GMDS: variants seen among roughly 807,000 people sequenced by gnomAD.
The protein encoded by GMDS is GDP-mannose 4,6 dehydratase.
A neutral mutation model predicts 49.9 loss-of-function variants in GMDS; 20 were observed. That is an observed-to-expected ratio of 0.40 (90% confidence interval 0.28 to 0.58). GMDS has a LOEUF of 0.58. Ranked by LOEUF, GMDS falls within the 20% of genes least tolerant of loss-of-function variation. The probability of loss-of-function intolerance (pLI) is 0.42; values close to 1 mark genes in which losing one functional copy is unlikely to be tolerated. For synonymous variants in GMDS, 177 were observed against 178.6 expected (o/e 0.99, Z 0.07); for missense variants, 362 against 481.4 (o/e 0.75, Z 2.32).
At chr6:2,004,596 C>G (rs1019704230) in intron 4 of GMDS, among the ~76,000 whole-genome samples, 4 of 152,136 alleles carry the variant, frequency 2.6e-5, no homozygotes, top group East Asian at 1.9e-4. Flanking sequence ...AAAGACACAT[C>G]CCCTGGGCTT....
In GMDS at chr6:2,013,839, G is replaced by A. The variant is rs199887069; in HGVS notation, c.346-52873C>T. On this transcript the variant is annotated intron_variant, in intron 4 of 10. Coordinates refer to ENST00000380815, the MANE Select transcript of GMDS (RefSeq NM_001500.4). ...GCCAGAAAAAGAGCAAAGAAAGGAA[G>A]AAATGGCTGAGAATTTCCCAAATCT... Among the ~76,000 whole-genome samples the A allele has an allele frequency of 1.2e-3, 3 of 2,448 alleles. No homozygotes were observed. The Non-Finnish European group carries it at 0.015, about 12-fold the overall frequency. The allele number at this position is 2,448 out of a possible 152,430, so 1.6% of individuals were successfully genotyped here.
intron 6 of GMDS, among the ~76,000 whole-genome samples, chr6:1,951,426 T>C (rs1763336865): frequency 6.6e-6 from 1 of 152,234 alleles, no homozygotes; most frequent in Admixed American, 6.5e-5. Flanking sequence ...TAAAGGAATG[T>C]CCTATCTCAT....
At chr6:1,960,204 C>T (rs1353954384) in intron 5 of GMDS, among the ~76,000 whole-genome samples, 1 of 152,118 alleles carries the variant, frequency 6.6e-6, no homozygotes, top group Non-Finnish European at 1.5e-5. Context: ...ATTTGACAAT[C>T]GAATTGATTG....
intron 4 of GMDS, among the ~76,000 whole-genome samples, chr6:2,102,281 TG>T (rs2127486960): frequency 6.6e-6 from 1 of 152,144 alleles, no homozygotes; most frequent in African/African-American, 2.4e-5. Flanking sequence ...ATAAGCAAAT[TG>T]AAAAAAATGT....
chr6:2,239,051 G>T (rs1052107637), intron 1 of GMDS, among the ~76,000 whole-genome samples: 1 of 151,986 alleles, frequency 6.6e-6, no homozygotes, highest in Non-Finnish European at 1.5e-5. Flanking sequence ...TATCCTGGCC[G>T]GGCACGGTGG....
chr6:2,135,315 C>A (rs1739454062), intron 1 of GMDS, among the ~76,000 whole-genome samples: 1 of 152,020 alleles, frequency 6.6e-6, no homozygotes, highest in African/African-American at 2.4e-5. Flanking sequence ...GTATACTAAA[C>A]AACGTGCTAC....
chr6:2,157,586 C>G (rs1777171116), intron 1 of GMDS, among the ~76,000 whole-genome samples: 1 of 152,198 alleles, frequency 6.6e-6, no homozygotes. Context: ...CAGTGCTCAT[C>G]TTGTCTTGTG....
intron 9 of GMDS, among the ~76,000 whole-genome samples, chr6:1,629,947 T>C (rs1391634390): frequency 1.3e-5 from 2 of 152,190 alleles, no homozygotes; most frequent in South Asian, 2.1e-4. Context: ...GAGAACGTGG[T>C]CTTCATTATA....
At chr6:1,849,077 G>A (rs1757542093) in intron 7 of GMDS, among the ~76,000 whole-genome samples, 2 of 152,108 alleles carry the variant, frequency 1.3e-5, no homozygotes, top group Non-Finnish European at 1.5e-5. Flanking sequence ...TCCCCTGGGG[G>A]ACAAAATTGC....
chr6:1,666,831 T>C (rs1263224871), intron 9 of GMDS, among the ~76,000 whole-genome samples: 3 of 152,204 alleles, frequency 2.0e-5, no homozygotes, highest in Non-Finnish European at 2.9e-5. Context: ...AACTTCTTCA[T>C]CTCCTCTCTT....
chr6:1,647,779 G>C (rs62390645), intron 9 of GMDS, among the ~76,000 whole-genome samples: 18,654 of 152,208 alleles, frequency 0.12, 1,526 homozygotes, highest in Non-Finnish European at 0.18. Flanking sequence ...TTCTCAGGCC[G>C]GAGTGGGGGA....
chr6:1,813,366 A>C (rs1190402101), intron 7 of GMDS, among the ~76,000 whole-genome samples: 7 of 152,066 alleles, frequency 4.6e-5, no homozygotes, highest in Admixed American at 4.6e-4. Flanking sequence ...CGTTCGTTAG[A>C]TGAAGGTTCA....
At chr6:1,963,942 G>A (rs1764114193) in intron 4 of GMDS, among the ~76,000 whole-genome samples, 1 of 152,166 alleles carries the variant, frequency 6.6e-6, no homozygotes, top group Non-Finnish European at 1.5e-5. Context: ...AAAGATGGAG[G>A]TGCTAAAAGC....
intron 4 of GMDS, among the ~76,000 whole-genome samples, chr6:1,965,978 G>C (rs1474923568): frequency 6.6e-6 from 1 of 152,220 alleles, no homozygotes; most frequent in Non-Finnish European, 1.5e-5. Flanking sequence ...CCTACCATCT[G>C]CTTTTGTAAT....
chr6:2,241,160 C>T (rs1781597813), intron 1 of GMDS, among the ~76,000 whole-genome samples: 2 of 152,184 alleles, frequency 1.3e-5, no homozygotes. Flanking sequence ...GCCTGGCACA[C>T]CTCAAGGAGT....
intron 7 of GMDS, among the ~76,000 whole-genome samples, chr6:1,829,836 T>C (rs1771278985): frequency 6.6e-6 from 1 of 152,238 alleles, no homozygotes; most frequent in Admixed American, 6.5e-5. Context: ...TAGGCATATA[T>C]GGTACATTTT....
chr6:2,107,308 G>T (rs1774299525), intron 4 of GMDS, among the ~76,000 whole-genome samples: 1 of 152,058 alleles, frequency 6.6e-6, no homozygotes, highest in Non-Finnish European at 1.5e-5. Context: ...TTTTAGATTT[G>T]AATTCAATTG....
chr6:1,699,662 C>G (rs1270612656), intron 9 of GMDS, among the ~76,000 whole-genome samples: 1 of 151,986 alleles, frequency 6.6e-6, no homozygotes, highest in Non-Finnish European at 1.5e-5. Flanking sequence ...CTCCTGCCTT[C>G]CTCCTATAAG....
intron 9 of GMDS, chr6:1,679,300 A>AT (rs1472288441): frequency 6.6e-6 from 1 of 152,218 alleles, no homozygotes; most frequent in Non-Finnish European, 1.5e-5. Flanking sequence ...AAATATATGA[A>AT]TTGTTTTAGG....
Sources: gnomAD v4.1 joint callset for allele counts (sites outside exome capture counted in the v4.1 genomes callset) on GRCh38, gnomAD v4.1.1 for gene constraint, MANE v1.5 for transcripts, NCBI Gene and HGNC (gene_info 2026-07-23, HGNC 2026-07-21) for gene names.